Variants in REC114 observed in about 807,000 individuals in gnomAD.
REC114 encodes the protein REC114 meiotic recombination protein.
REC114 carries 27 observed loss-of-function variants against 31.3 expected under a neutral mutation model. That is an observed-to-expected ratio of 0.86 (90% CI 0.64 to 1.19). The LOEUF is 1.19. Among genes scored for constraint, REC114 ranks in the 50% most tolerant of loss-of-function variants. The probability of loss-of-function intolerance (pLI) is 0.00; values close to 1 mark genes in which losing one functional copy is unlikely to be tolerated. For missense variants in REC114, 344 were observed against 326.9 expected, an observed-to-expected ratio of 1.05 and a Z score of -0.40; for synonymous variants, 134 against 127.7, an observed-to-expected ratio of 1.05 and a Z score of -0.33.
At chr15:73,525,817 G>T (rs1342227788) in intron 2 of REC114, among the ~76,000 whole-genome samples, 1 of 152,080 alleles carries the variant, frequency 6.6e-6, no homozygotes, top group African/African-American at 2.4e-5. Flanking sequence ...ATATTCTGCT[G>T]CTGATGATAG....
At chr15:73,501,129 G>T (rs773771360) in intron 2 of REC114, among the ~76,000 whole-genome samples, 1 of 152,144 alleles carries the variant, frequency 6.6e-6, no homozygotes, top group African/African-American at 2.4e-5. Flanking sequence ...AAGTGTATCC[G>T]TGTAAATGAG....
chr15:73,514,065 G>C (rs1378246607), intron 2 of REC114, among the ~76,000 whole-genome samples: 2 of 152,172 alleles, frequency 1.3e-5, no homozygotes, highest in Non-Finnish European at 2.9e-5. Context: ...CTTGCAGTTT[G>C]ATCTCAGACT....
intron 2 of REC114, among the ~76,000 whole-genome samples, chr15:73,518,000 C>T (rs1373797570): frequency 2.0e-5 from 3 of 152,146 alleles, no homozygotes; most frequent in Non-Finnish European, 4.4e-5. Flanking sequence ...ACAAAGGAAG[C>T]AGTGGTTAAC....
chr15:73,460,078 T>C lies in REC114; in HGVS notation c.160-13754T>C, dbSNP rs183433350. Among the ~76,000 whole-genome samples, 4 of 152,358 alleles carry C rather than the reference T, an allele frequency of 2.6e-5. No individual in the cohort carries two copies. The East Asian group carries it at 7.7e-4, about 29-fold the overall frequency. On this transcript the variant is annotated intron_variant, in intron 1 of 5. Coordinates refer to ENST00000331090, the MANE Select transcript of REC114 (RefSeq NM_001042367.2). ...ACATTTTTTTTCTATGACAAAATTATTAGTTGTTCTAAAGCATTAGTTTAT... is the reference window on the plus strand; with the variant it reads ...ACATTTTTTTTCTATGACAAAATTACTAGTTGTTCTAAAGCATTAGTTTAT...
At chr15:73,463,235 G>T (rs1048188234) in intron 1 of REC114, among the ~76,000 whole-genome samples, 1 of 151,866 alleles carries the variant, frequency 6.6e-6, no homozygotes, top group Non-Finnish European at 1.5e-5. Flanking sequence ...TCTTCCTTGC[G>T]GTTTAAGAAA....
At chr15:73,508,521 G>A (rs1893715934) in intron 2 of REC114, among the ~76,000 whole-genome samples, 2 of 146,470 alleles carry the variant, frequency 1.4e-5, no homozygotes, top group South Asian at 4.4e-4. Context: ...GTATACATGT[G>A]CCATGCTGGT....
intron 1 of REC114, among the ~76,000 whole-genome samples, chr15:73,448,687 T>G (rs1013241456): frequency 2.0e-5 from 3 of 152,116 alleles, no homozygotes; most frequent in African/African-American, 7.2e-5. Flanking sequence ...TCCCTGACCT[T>G]TGTGTCTCCT....
chr15:73,494,323 C>A (rs1479233944), intron 2 of REC114, among the ~76,000 whole-genome samples: 2 of 151,890 alleles, frequency 1.3e-5, no homozygotes, highest in African/African-American at 4.8e-5. Context: ...GGTGACCTGT[C>A]TCTACTAATA....
At chr15:73,514,575 A>G (rs1350757767) in intron 2 of REC114, among the ~76,000 whole-genome samples, 2 of 152,192 alleles carry the variant, frequency 1.3e-5, no homozygotes, top group Admixed American at 1.3e-4. Context: ...TGTCTGTCAC[A>G]ATGTTATTCC....
chr15:73,528,151 A>G (rs1224174022), intron 2 of REC114, among the ~76,000 whole-genome samples: 3 of 152,238 alleles, frequency 2.0e-5, no homozygotes, highest in African/African-American at 7.2e-5. Context: ...AATGAGGGTG[A>G]GCATTTATCC....
At chr15:73,443,385 C>G (rs1481532470) in intron 1 of REC114, 41 bp downstream of exon 1, 1 of 1,529,220 alleles carries the variant, frequency 6.5e-7, no homozygotes, top group East Asian at 2.4e-5. Flanking sequence ...GTGCCCACAG[C>G]CCTCAGGAGG....
At chr15:73,448,933 G>T (rs1314102014) in intron 1 of REC114, among the ~76,000 whole-genome samples, 7 of 152,118 alleles carry the variant, frequency 4.6e-5, no homozygotes, top group Non-Finnish European at 7.4e-5. Flanking sequence ...CAAACAAACA[G>T]AAAGGAATAG....
chr15:73,528,688 G>A (rs1894037382), intron 2 of REC114, among the ~76,000 whole-genome samples: 1 of 152,150 alleles, frequency 6.6e-6, no homozygotes, highest in Non-Finnish European at 1.5e-5. Context: ...TTCATAAAAA[G>A]GTTTTGTTGG....
At chr15:73,493,001 TA>T (rs1380323382) in intron 2 of REC114, among the ~76,000 whole-genome samples, 2 of 151,710 alleles carry the variant, frequency 1.3e-5, no homozygotes, top group African/African-American at 2.4e-5. Flanking sequence ...TACTCTTCTT[TA>T]TTTTTTTTTA....
chr15:73,498,253 A>C (rs1288472741), intron 2 of REC114, among the ~76,000 whole-genome samples: 9 of 151,872 alleles, frequency 5.9e-5, no homozygotes, highest in Non-Finnish European at 2.9e-5. Flanking sequence ...TCCTCATTAA[A>C]TTTCTGAATC....
In REC114 at chr15:73,461,932, T is replaced by C. The variant is rs868549704; in HGVS notation, c.160-11900T>C. Among the ~76,000 whole-genome samples the C allele has an allele frequency of 3.3e-4, 47 of 141,882 alleles. 1 individual carries two copies. The South Asian group carries it at 4.5e-3, about 14-fold the overall frequency. The allele number at this position is 141,882 out of a possible 152,430, so 93.1% of individuals were successfully genotyped here. Reference sequence around the variant, plus strand: ...TTTTCTTTTTCTTTTCTTTTTTTTTTTTTTTTTTTTTTTTTTAAAGACAGA... The same window carrying C: ...TTTTCTTTTTCTTTTCTTTTTTTTTCTTTTTTTTTTTTTTTTAAAGACAGA... On this transcript the variant is annotated intron_variant, in intron 1 of 5. Transcript: ENST00000331090.
intron 1 of REC114, among the ~76,000 whole-genome samples, chr15:73,445,697 G>A (rs1355668407): frequency 6.6e-6 from 1 of 152,186 alleles, no homozygotes; most frequent in Non-Finnish European, 1.5e-5. Flanking sequence ...AGGAGAGGGA[G>A]AGAGACAGAG....
rs943280638 is a variant in REC114, at chr15:73,511,280, G to A, written c.250-29205G>A. On this transcript the variant is annotated intron_variant, in intron 2 of 5. Transcript: ENST00000331090. ...TGGTAGTTTGTATTTCTGTGGGATC[G>A]GTGGTGATATTCCCTTTATCATTTT... Among the ~76,000 whole-genome samples the A allele has an allele frequency of 2.6e-3, 388 of 151,962 alleles. 4 individuals carry two copies. The highest frequency in any genetic ancestry group is 7.7e-3 in the African/African-American group (319 of 41,414).
chr15:73,478,429 C>CTT (rs1278880671), intron 2 of REC114, among the ~76,000 whole-genome samples: 1 of 152,048 alleles, frequency 6.6e-6, no homozygotes, highest in African/African-American at 2.4e-5. Flanking sequence ...TTTCTGGACT[C>CTT]TTTTTTGTTC....
Sources: gnomAD v4.1 joint callset for allele counts (sites outside exome capture counted in the v4.1 genomes callset) on GRCh38, gnomAD v4.1.1 for gene constraint, MANE v1.5 for transcripts, NCBI Gene and HGNC (gene_info 2026-07-23, HGNC 2026-07-21) for gene names.